CACNA2D3: variants seen among roughly 807,000 people sequenced by gnomAD.
CACNA2D3 encodes voltage-dependent calcium channel subunit alpha-2/delta-3.
A neutral mutation model predicts 160.6 loss-of-function variants in CACNA2D3; 60 were observed. The observed-to-expected ratio is 0.37, with a 90% confidence interval of 0.30 to 0.46. The LOEUF (loss-of-function observed/expected upper bound fraction) is 0.46, where lower values mean the gene tolerates loss of function less well. CACNA2D3 is among the 20% of genes least tolerant of loss of function. The pLI, the probability that CACNA2D3 is intolerant of heterozygous loss-of-function variation, is 1.00. For synonymous variants in CACNA2D3, 558 were observed against 492.9 expected, an observed-to-expected ratio of 1.13 and a Z score of -1.75; for missense variants, 1,205 against 1,365.0, an observed-to-expected ratio of 0.88 and a Z score of 1.85.
intron 4 of CACNA2D3, among the ~76,000 whole-genome samples, chr3:54,492,916 G>T (rs916896363): frequency 6.6e-6 from 1 of 152,148 alleles, no homozygotes; most frequent in African/African-American, 2.4e-5. Flanking sequence ...GGAATGCCCA[G>T]AGAGAATATG....
chr3:54,154,936 CT>C (rs1700219161), intron 2 of CACNA2D3, among the ~76,000 whole-genome samples: 1 of 152,260 alleles, frequency 6.6e-6, no homozygotes, highest in South Asian at 2.1e-4. Flanking sequence ...TATAAATTGA[CT>C]TACTTAAAAA....
chr3:54,156,923 A>T (rs566677064), intron 2 of CACNA2D3, among the ~76,000 whole-genome samples: 1 of 152,196 alleles, frequency 6.6e-6, no homozygotes, highest in Non-Finnish European at 1.5e-5. Flanking sequence ...TATTTTTTTA[A>T]GCTATTAGTT....
chr3:54,913,658 G>A (rs1700604353), intron 27 of CACNA2D3, among the ~76,000 whole-genome samples: 1 of 152,134 alleles, frequency 6.6e-6, no homozygotes, highest in Non-Finnish European at 1.5e-5. Flanking sequence ...TGGTGGTTGG[G>A]TTTCTTTGCC....
At chr3:54,533,904 G>T (rs1352269742) in intron 5 of CACNA2D3, among the ~76,000 whole-genome samples, 1 of 152,052 alleles carries the variant, frequency 6.6e-6, no homozygotes, top group East Asian at 1.9e-4. Context: ...AAATATACAG[G>T]TGTTCTTTGT....
At chr3:54,603,596 T>C (rs1271814478) in intron 9 of CACNA2D3, among the ~76,000 whole-genome samples, 1 of 152,184 alleles carries the variant, frequency 6.6e-6, no homozygotes. Context: ...AGCTGGCAAG[T>C]TGGATGATGG....
chr3:54,442,718 C>T (rs1281410290), intron 4 of CACNA2D3, among the ~76,000 whole-genome samples: 1 of 152,180 alleles, frequency 6.6e-6, no homozygotes, highest in Non-Finnish European at 1.5e-5. Flanking sequence ...TTCCCTAAGT[C>T]AGCCTTTACT....
At chr3:54,464,045 C>T (rs961654520) in intron 4 of CACNA2D3, among the ~76,000 whole-genome samples, 1 of 152,234 alleles carries the variant, frequency 6.6e-6, no homozygotes, top group African/African-American at 2.4e-5. Context: ...ACTCCAGACC[C>T]TGTTTGCCTT....
At chr3:54,881,554 T>C (rs576382926) in intron 21 of CACNA2D3, among the ~76,000 whole-genome samples, 3 of 152,314 alleles carry the variant, frequency 2.0e-5, no homozygotes, top group African/African-American at 4.8e-5. Context: ...AGCTCCCTAG[T>C]AGTTCAGAGA....
chr3:54,502,823 G>A (rs925158333), intron 4 of CACNA2D3, among the ~76,000 whole-genome samples: 3 of 152,212 alleles, frequency 2.0e-5, no homozygotes, highest in Non-Finnish European at 4.4e-5. Context: ...AGCACTTAGA[G>A]TGATTTCTGA....
chr3:54,847,552 A>G (rs1478064126), intron 17 of CACNA2D3, among the ~76,000 whole-genome samples: 3 of 152,218 alleles, frequency 2.0e-5, no homozygotes, highest in Non-Finnish European at 2.9e-5. Context: ...CTCCATCATC[A>G]TGCAACTTTG....
intron 2 of CACNA2D3, among the ~76,000 whole-genome samples, chr3:54,221,837 AT>A (rs931516800): frequency 1.5e-4 from 23 of 150,400 alleles, no homozygotes; most frequent in South Asian, 1.1e-3. Context: ...GTTACTTTTT[AT>A]TTTTTTTTCT....
At chr3:54,450,635 C>T (rs1403882091) in intron 4 of CACNA2D3, among the ~76,000 whole-genome samples, 2 of 152,122 alleles carry the variant, frequency 1.3e-5, no homozygotes, top group African/African-American at 4.8e-5. Flanking sequence ...CCGGCCCTCT[C>T]TCTCTTGCTT....
chr3:54,551,309 G>T (rs7373890), intron 5 of CACNA2D3, among the ~76,000 whole-genome samples: 23,350 of 152,082 alleles, frequency 0.15, 2,020 homozygotes, highest in Admixed American at 0.24. Flanking sequence ...CCACTGTTTT[G>T]TCTCCAAATC....
chr3:54,675,575 A>G (rs563305721), intron 11 of CACNA2D3, among the ~76,000 whole-genome samples: 5 of 152,122 alleles, frequency 3.3e-5, no homozygotes, highest in African/African-American at 4.8e-5. Flanking sequence ...GGATGAGTCT[A>G]GGACTCATTT....
chr3:54,500,504 T>TTCCTTC (rs1701271807), intron 4 of CACNA2D3, among the ~76,000 whole-genome samples: 9 of 102,060 alleles, frequency 8.8e-5, no homozygotes, highest in Non-Finnish European at 1.6e-4. Context: ...TTCCTTCCTA[T>TTCCTTC]CTTCCTTCCT....
chr3:54,383,880 T>C (rs1181501865), intron 3 of CACNA2D3, among the ~76,000 whole-genome samples: 2 of 152,246 alleles, frequency 1.3e-5, no homozygotes, highest in African/African-American at 4.8e-5. Flanking sequence ...TTACCTACTT[T>C]GTATTGCAGT....
chr3:54,783,588 C>T (rs921652150), intron 13 of CACNA2D3, among the ~76,000 whole-genome samples: 11 of 151,278 alleles, frequency 7.3e-5, no homozygotes, highest in African/African-American at 2.4e-4. Flanking sequence ...CCTGGGTGAC[C>T]GAGTAAGACT....
intron 4 of CACNA2D3, among the ~76,000 whole-genome samples, chr3:54,417,650 A>G (rs1481507949): frequency 2.0e-5 from 3 of 152,300 alleles, no homozygotes; most frequent in South Asian, 4.1e-4. Flanking sequence ...TCAAATAAAT[A>G]TAAACTTTCT....
At chr3:54,652,588 T>A (rs1699792214) in intron 11 of CACNA2D3, among the ~76,000 whole-genome samples, 1 of 151,818 alleles carries the variant, frequency 6.6e-6, no homozygotes, top group South Asian at 2.1e-4. Context: ...GAACAGTACT[T>A]CAGAAGCCCT....
Sources: allele counts gnomAD v4.1 joint callset (sites outside exome capture counted in the v4.1 genomes callset), GRCh38; gene constraint gnomAD v4.1.1; transcripts MANE v1.5; gene names NCBI Gene and HGNC (gene_info 2026-07-23, HGNC 2026-07-21).